Variants in MCM9 observed in about 807,000 individuals in gnomAD.
The protein encoded by MCM9 is minichromosome maintenance 9 homologous recombination repair factor, also known as DNA helicase MCM9.
Under a neutral mutation model 72.8 loss-of-function variants are expected in MCM9, and 55 were observed. The observed-to-expected ratio is 0.76, with a 90% CI of 0.61 to 0.95. The LOEUF is 0.95. MCM9 is among the 40% of genes least tolerant of loss of function. The pLI, the probability that MCM9 is intolerant of heterozygous loss-of-function variation, is 0.00. For missense variants in MCM9, 1,279 were observed against 1,377.0 expected (o/e 0.93, Z 1.13); for synonymous variants, 480 against 503.4 (o/e 0.95, Z 0.62).
rs571254679 is a variant in MCM9, at chr6:118,931,572, T to A, written c.152A>T (p.Asn51Ile). The change falls in exon 3 of 14, where the codon AAC becomes ATC. Residue 51 changes from asparagine (N) to isoleucine (I), a missense_variant. Coordinates refer to ENST00000619706, the MANE Select transcript of MCM9 (RefSeq NM_017696.3). ...VVNAMTLFET[N>I]MEIGEYFNMF... ...GTTGAAATATTCCCCGATTTCCATGTTGGTCTCAAACAGAGTCATGGCATT... is the reference window on the plus strand; with the variant it reads ...GTTGAAATATTCCCCGATTTCCATGATGGTCTCAAACAGAGTCATGGCATT... 1.7e-5 allele frequency: 28 copies of A among 1,614,038 alleles called. No individual in the cohort carries two copies. Among genetic ancestry groups the A allele is most frequent in the Non-Finnish European group, 2.4e-5 (28 of 1,180,030 alleles).
rs532207255 is a variant in MCM9, at chr6:118,874,413, C to T, written c.1151-17868G>A. On this transcript the variant is annotated intron_variant, in intron 8 of 13. Transcript: ENST00000619706. ...AACAACACAAAAAACTCTCAGAAAA[C>T]TAAGAATAGAGGAGCAACTTCCTCA... Among the ~76,000 whole-genome samples, 14 of 152,190 alleles carry T rather than the reference C, an allele frequency of 9.2e-5. No individual in the cohort carries two copies. In the South Asian group the frequency reaches 2.5e-3, roughly 27 times the overall value.
At position 118,814,390 on chromosome 6, in the gene MCM9, C is replaced by CAA. The variant is rs59630533; in HGVS notation, c.*432_*433dup. Reference sequence around the variant, plus strand: ...ACTTAGCCCATTCCAGGTGAAAATACAAAAAAAAAAAAAAAAAGTAGAAAA... The same window carrying CAA: ...ACTTAGCCCATTCCAGGTGAAAATACAAAAAAAAAAAAAAAAAAAGTAGAAAA... On this transcript the variant is annotated 3_prime_UTR_variant, in exon 14 of 14. Transcript: ENST00000619706. 1.2e-4 allele frequency: 10 copies of CAA among 80,388 alleles called. No homozygotes were observed. The highest frequency in any genetic ancestry group is 2.0e-4 in the Non-Finnish European group (7 of 35,044). 5.0% of individuals were successfully genotyped at this position (80,388 alleles called of 1,614,324 possible).
chr6:118,918,908 T>C (rs1168751758), intron 5 of MCM9: 1 of 152,226 alleles, frequency 6.6e-6, no homozygotes, highest in Admixed American at 6.5e-5. Flanking sequence ...ATCCACAGAA[T>C]AGAAGGCACA....
intron 3 of MCM9, among the ~76,000 whole-genome samples, chr6:118,925,589 C>CCT (rs1456876571): frequency 2.0e-5 from 3 of 152,200 alleles, no homozygotes; most frequent in Non-Finnish European, 4.4e-5. Context: ...TCTCCATACA[C>CCT]TGTAGAGTGT....
intron 8 of MCM9, chr6:118,894,322 G>T (rs988642142): frequency 2.0e-6 from 3 of 1,515,234 alleles, no homozygotes; most frequent in African/African-American, 2.8e-5. Context: ...CGGCGCTGGA[G>T]CGGGGGTCTG....
intron 13 of MCM9, 60 bp from the exon 14 acceptor site, chr6:118,816,354 A>G (rs1209554174): frequency 1.4e-6 from 2 of 1,387,322 alleles, no homozygotes; most frequent in African/African-American, 2.9e-5. Flanking sequence ...GTGCTAACCT[A>G]TTCATTTCTT....
intron 8 of MCM9, among the ~76,000 whole-genome samples, chr6:118,897,199 CAG>C (rs533369435): frequency 3.3e-4 from 51 of 152,264 alleles, no homozygotes; most frequent in African/African-American, 1.2e-3. Context: ...AGTCTCAAAG[CAG>C]AGTTTGGCCA....
At chr6:118,903,733 AG>A (rs999329976) in intron 8 of MCM9, among the ~76,000 whole-genome samples, 3 of 152,150 alleles carry the variant, frequency 2.0e-5, no homozygotes, top group African/African-American at 7.2e-5. Context: ...TTAGAAGCAC[AG>A]GGGGTGAAGT....
At chr6:118,836,859 T>C (rs569008407) in intron 9 of MCM9, among the ~76,000 whole-genome samples, 1 of 152,304 alleles carries the variant, frequency 6.6e-6, no homozygotes, top group Non-Finnish European at 1.5e-5. Flanking sequence ...GCTCTGATCT[T>C]AGTTATTTCT....
chr6:118,929,021 AC>A (rs1309284442), intron 3 of MCM9, among the ~76,000 whole-genome samples: 1 of 152,102 alleles, frequency 6.6e-6, no homozygotes, highest in East Asian at 1.9e-4. Flanking sequence ...GGAGTTCAAG[AC>A]CAGCCTGAGC....
In MCM9 at chr6:118,856,362, A is replaced by C. The variant is rs1445950932; in HGVS notation, c.1325+9T>G. 2.6e-6 allele frequency: 4 copies of C among 1,524,694 alleles called. No individual in the cohort carries two copies. Among genetic ancestry groups the C allele is most frequent in the Non-Finnish European group, 3.5e-6 (4 of 1,143,610 alleles). The allele number at this position is 1,524,694 out of a possible 1,614,324, so 94.4% of individuals were successfully genotyped here. A position where few individuals can be genotyped will look rare whatever the true frequency, so the allele number is the denominator to read the frequency against. ...TCATTATTCCCATAGATTTTAAAGA[A>C]ACTCTTACCCAGCCTTAGCAACACT... On this transcript the variant is annotated intron_variant, in intron 9 of 13. Transcript: ENST00000619706.
At chr6:118,878,592 T>C (rs1778087321) in intron 8 of MCM9, among the ~76,000 whole-genome samples, 1 of 152,108 alleles carries the variant, frequency 6.6e-6, no homozygotes, top group African/African-American at 2.4e-5. Context: ...AGAATTACAT[T>C]GTAACAAATT....
intron 3 of MCM9, among the ~76,000 whole-genome samples, chr6:118,925,512 C>A (rs376629465): frequency 6.6e-6 from 1 of 152,126 alleles, no homozygotes; most frequent in Non-Finnish European, 1.5e-5. Context: ...GCTATGTTAA[C>A]CTACTGTTAC....
intron 8 of MCM9, among the ~76,000 whole-genome samples, chr6:118,881,438 T>G (rs1331528130): frequency 6.6e-6 from 1 of 152,180 alleles, no homozygotes. Context: ...GTTTGTATCC[T>G]ATGGTAAAAT....
rs1299321130 is a variant in MCM9 at position 118,931,488 on chromosome 6, G to C, written c.236C>G (p.Thr79Arg). 2 of 1,614,154 alleles carry C rather than the reference G, an allele frequency of 1.2e-6. No individual in the cohort carries two copies. The highest frequency in any genetic ancestry group is 2.2e-5 in the South Asian group (2 of 91,084). ...FDSALRRSAL[T>R]ILQSLSQPEA... ...AGGCTGAGAAAGGGACTGGAGAATT[G>C]TCAAGGCTGACCTTCGCAGTGCACT... The change falls in exon 3 of 14, where the codon ACA (threonine) becomes AGA (arginine). Residue 79 changes from threonine (T) to arginine (R), a missense_variant. Transcript: ENST00000619706.
chr6:118,845,166 C>A (rs947591811), intron 9 of MCM9, among the ~76,000 whole-genome samples: 1 of 151,698 alleles, frequency 6.6e-6, no homozygotes, highest in African/African-American at 2.4e-5. Flanking sequence ...GCTGAATAAG[C>A]CTAAAAGACC....
intron 2 of MCM9, 62 bp downstream of exon 2, chr6:118,932,541 GCTCT>G (rs574937005): frequency 5.8e-6 from 5 of 866,610 alleles, no homozygotes; most frequent in South Asian, 1.1e-4. Flanking sequence ...TCTTTCGTGT[GCTCT>G]CTCTCTCTTT....
At chr6:118,857,434 T>C (rs1036803366) in intron 8 of MCM9, among the ~76,000 whole-genome samples, 1 of 152,150 alleles carries the variant, frequency 6.6e-6, no homozygotes, top group Admixed American at 6.6e-5. Flanking sequence ...TGTTGAATTA[T>C]AGGCAAGTTT....
Position 118,832,369 on chromosome 6 carries a change from T to C in MCM9, c.1326-3119A>G, listed in dbSNP as rs545357125. Among the ~76,000 whole-genome samples, 444 of 152,314 alleles carry C rather than the reference T, an allele frequency of 2.9e-3. 16 individuals carry two copies. The South Asian group carries it at 0.074, about 26-fold the overall frequency. On this transcript the variant is annotated intron_variant, in intron 9 of 13. Transcript: ENST00000619706. Reference sequence around the variant, plus strand: ...TGAGCCACCTTGCCCAGCCTATTTTTGTCCTACTAAATGTGGTCTTCCTTG... The same window carrying C: ...TGAGCCACCTTGCCCAGCCTATTTTCGTCCTACTAAATGTGGTCTTCCTTG...
Sources: gnomAD v4.1 joint callset for allele counts (sites outside exome capture counted in the v4.1 genomes callset) on GRCh38, gnomAD v4.1.1 for gene constraint, MANE v1.5 for transcripts, NCBI Gene and HGNC (gene_info 2026-07-23, HGNC 2026-07-21) for gene names.